The following MAML3 variants were observed in gnomAD, a reference collection of about 807,000 sequenced individuals.
MAML3 encodes the protein mastermind-like protein 3.
Under a neutral mutation model 101.9 loss-of-function variants are expected in MAML3, and 27 were observed. That is an observed-to-expected ratio of 0.27 (90% CI 0.20 to 0.37). The LOEUF is 0.37. Ranked by LOEUF, MAML3 falls within the 10% of genes least tolerant of loss-of-function variation. The probability of loss-of-function intolerance (pLI) is 1.00; values close to 1 mark genes in which losing one functional copy is unlikely to be tolerated. For missense variants in MAML3, 1,316 were observed against 1,444.9 expected, an observed-to-expected ratio of 0.91 and a Z score of 1.45; for synonymous variants, 501 against 555.9, an observed-to-expected ratio of 0.90 and a Z score of 1.39.
intron 2 of MAML3, among the ~76,000 whole-genome samples, chr4:139,757,511 G>A (rs1291102337): frequency 1.3e-5 from 2 of 152,044 alleles, no homozygotes; most frequent in Non-Finnish European, 2.9e-5. Flanking sequence ...TTAGCTGGGC[G>A]AGGTGGCGTG....
intron 1 of MAML3, among the ~76,000 whole-genome samples, chr4:139,933,201 C>T (rs985377485): frequency 1.1e-4 from 16 of 150,774 alleles, no homozygotes; most frequent in Non-Finnish European, 1.9e-4. Flanking sequence ...AAGGGACACA[C>T]GCATAGCCAC....
chr4:139,859,980 C>T (rs1447573229), intron 2 of MAML3, among the ~76,000 whole-genome samples: 3 of 152,206 alleles, frequency 2.0e-5, no homozygotes, highest in Admixed American at 6.5e-5. Context: ...GAAGGCGTCG[C>T]GGGAGGGGCT....
intron 1 of MAML3, among the ~76,000 whole-genome samples, chr4:140,050,072 T>C (rs1727242628): frequency 6.6e-6 from 1 of 152,162 alleles, no homozygotes. Context: ...AGAAGGATGC[T>C]GATAGAAGTT....
intron 1 of MAML3, among the ~76,000 whole-genome samples, chr4:140,130,344 C>A (rs897960657): frequency 1.3e-5 from 2 of 152,090 alleles, no homozygotes; most frequent in African/African-American, 4.8e-5. Flanking sequence ...TTTTCTCACC[C>A]CCATAATTTT....
chr4:140,134,443 T>C (rs1728849136), intron 1 of MAML3: 1 of 454,992 alleles, frequency 2.2e-6, no homozygotes, highest in Non-Finnish European at 4.4e-6. Flanking sequence ...AGCAAGTGCA[T>C]ATCTACTTAC....
At chr4:140,151,139 T>TC (rs1729157379) in intron 1 of MAML3, among the ~76,000 whole-genome samples, 1 of 150,666 alleles carries the variant, frequency 6.6e-6, no homozygotes. Context: ...TCCCGCTCCC[T>TC]CCCCCACGGC....
At chr4:139,928,394 T>C (rs1463782349) in intron 1 of MAML3, among the ~76,000 whole-genome samples, 1 of 152,188 alleles carries the variant, frequency 6.6e-6, no homozygotes, top group Non-Finnish European at 1.5e-5. Context: ...CCTCAGGTAG[T>C]TTATGGGCTA....
chr4:139,730,799 G>A (rs1008265631), intron 2 of MAML3, 132 bp from the exon 3 acceptor site: 26 of 772,148 alleles, frequency 3.4e-5, no homozygotes, highest in Non-Finnish European at 5.0e-5. Context: ...TGAGTGGCAC[G>A]CATTGCATTT....
At chr4:139,971,719 G>A (rs777049343) in intron 1 of MAML3, among the ~76,000 whole-genome samples, 13 of 151,932 alleles carry the variant, frequency 8.6e-5, no homozygotes, top group Admixed American at 2.0e-4. Flanking sequence ...TCCATTTTCT[G>A]GGTTAGGTAG....
At chr4:140,044,353 TG>T (rs1398393374) in intron 1 of MAML3, among the ~76,000 whole-genome samples, 1 of 152,164 alleles carries the variant, frequency 6.6e-6, no homozygotes, top group South Asian at 2.1e-4. Flanking sequence ...TGCTTCAACA[TG>T]GGGAATGAAA....
At chr4:139,753,902 T>C (rs2111044693) in intron 2 of MAML3, among the ~76,000 whole-genome samples, 1 of 152,278 alleles carries the variant, frequency 6.6e-6, no homozygotes, top group East Asian at 1.9e-4. Context: ...AATTGTGTAA[T>C]GAGCAAAAGA....
intron 1 of MAML3, among the ~76,000 whole-genome samples, chr4:139,938,983 T>C (rs1260298844): frequency 6.6e-6 from 1 of 152,248 alleles, no homozygotes; most frequent in Non-Finnish European, 1.5e-5. Context: ...CAGTGACCAG[T>C]CATCCTTCCC....
At chr4:139,955,728 A>G (rs904665702) in intron 1 of MAML3, among the ~76,000 whole-genome samples, 1 of 152,194 alleles carries the variant, frequency 6.6e-6, no homozygotes, top group African/African-American at 2.4e-5. Flanking sequence ...TTTTCTGAGC[A>G]TGTGGGAAGA....
chr4:140,137,512 A>C (rs1354801335), intron 1 of MAML3, among the ~76,000 whole-genome samples: 1 of 152,182 alleles, frequency 6.6e-6, no homozygotes, highest in African/African-American at 2.4e-5. Context: ...GTCAAAGCTA[A>C]TTATCTCGCT....
intron 1 of MAML3, among the ~76,000 whole-genome samples, chr4:140,094,095 C>T (rs1578681524): frequency 6.6e-6 from 1 of 152,182 alleles, no homozygotes; most frequent in East Asian, 1.9e-4. Context: ...CTCTGCCAGG[C>T]CTGATGACGT....
At chr4:139,856,951 G>T (rs902139431) in intron 2 of MAML3, among the ~76,000 whole-genome samples, 2 of 151,984 alleles carry the variant, frequency 1.3e-5, no homozygotes, top group Non-Finnish European at 2.9e-5. Flanking sequence ...TTAATTGTAG[G>T]AGTAAAAAAA....
At chr4:140,134,465 A>C (rs1368128725) in intron 1 of MAML3, 2 of 443,354 alleles carry the variant, frequency 4.5e-6, no homozygotes, top group Admixed American at 4.9e-5. Context: ...GCAGATTTGT[A>C]AACAGATCTA....
At chr4:140,071,287 C>T (rs1560884386) in intron 1 of MAML3, among the ~76,000 whole-genome samples, 1 of 152,160 alleles carries the variant, frequency 6.6e-6, no homozygotes, top group Non-Finnish European at 1.5e-5. Flanking sequence ...CATGGCTGCC[C>T]AGAACTTGTC....
chr4:140,116,554 A>G (rs1018016591), intron 1 of MAML3, among the ~76,000 whole-genome samples: 3 of 152,252 alleles, frequency 2.0e-5, no homozygotes, highest in Non-Finnish European at 2.9e-5. Context: ...CCTGGATTCA[A>G]TTCCTTCAGA....
Sources: allele counts gnomAD v4.1 joint callset (sites outside exome capture counted in the v4.1 genomes callset), GRCh38; gene constraint gnomAD v4.1.1; transcripts MANE v1.5; gene names NCBI Gene and HGNC (gene_info 2026-07-23, HGNC 2026-07-21).